THRB: variants seen among roughly 807,000 people sequenced by gnomAD.
THRB encodes nuclear receptor subfamily 1 group A member 2.
Under a neutral mutation model 47.8 loss-of-function variants are expected in THRB, and 12 were observed. The ratio of observed to expected loss-of-function variants is 0.25; its 90% CI spans 0.16 to 0.41. The LOEUF (loss-of-function observed/expected upper bound fraction) is 0.41, where lower values mean the gene tolerates loss of function less well. Ranked by LOEUF, THRB falls within the 10% of genes least tolerant of loss-of-function variation. THRB has a pLI of 1.00. For synonymous variants in THRB, 218 were observed against 212.2 expected, an observed-to-expected ratio of 1.03 and a Z score of -0.24; for missense variants, 348 against 589.2, an observed-to-expected ratio of 0.59 and a Z score of 4.24.
chr3:24,477,964 T>C (rs1695744079), intron 1 of THRB, among the ~76,000 whole-genome samples: 1 of 150,604 alleles, frequency 6.6e-6, no homozygotes, highest in Non-Finnish European at 1.5e-5. Context: ...CAAAAGAGGA[T>C]CCAAACAAAG....
At chr3:24,274,255 C>G (rs1429982090) in intron 3 of THRB, among the ~76,000 whole-genome samples, 1 of 152,132 alleles carries the variant, frequency 6.6e-6, no homozygotes, top group African/African-American at 2.4e-5. Context: ...TGAATAGCAT[C>G]TGATGGCACT....
chr3:24,230,713 G>A (rs2048173306), intron 3 of THRB, among the ~76,000 whole-genome samples: 1 of 152,152 alleles, frequency 6.6e-6, no homozygotes, highest in African/African-American at 2.4e-5. Flanking sequence ...GTTTTCACAT[G>A]CTACCACTCC....
chr3:24,189,573 A>G (rs549767596), intron 5 of THRB, among the ~76,000 whole-genome samples: 3 of 152,272 alleles, frequency 2.0e-5, no homozygotes, highest in South Asian at 2.1e-4. Flanking sequence ...CTCTCCTTTC[A>G]GGATGATGAC....
At chr3:24,422,267 G>A (rs1458924047) in intron 1 of THRB, among the ~76,000 whole-genome samples, 1 of 151,882 alleles carries the variant, frequency 6.6e-6, no homozygotes, top group Non-Finnish European at 1.5e-5. Context: ...GAGAAACTTA[G>A]TATCCTGGAT....
At chr3:24,185,337 T>G (rs990066801) in intron 5 of THRB, among the ~76,000 whole-genome samples, 2 of 152,192 alleles carry the variant, frequency 1.3e-5, no homozygotes, top group Non-Finnish European at 2.9e-5. Flanking sequence ...AAAATACACA[T>G]GCACAGAGAA....
At chr3:24,454,905 G>A (rs967822190) in intron 1 of THRB, among the ~76,000 whole-genome samples, 1 of 151,996 alleles carries the variant, frequency 6.6e-6, no homozygotes, top group Non-Finnish European at 1.5e-5. Context: ...CCAGATCAAA[G>A]CTTTATTTTT....
chr3:24,299,784 T>TTTC (rs2056790762), intron 2 of THRB, among the ~76,000 whole-genome samples: 1 of 59,330 alleles, frequency 1.7e-5, no homozygotes, highest in South Asian at 6.0e-4. Flanking sequence ...TTTATTTATT[T>TTTC]ATTTATTTTT....
At chr3:24,200,657 T>C (rs2044484245) in intron 4 of THRB, among the ~76,000 whole-genome samples, 1 of 152,210 alleles carries the variant, frequency 6.6e-6, no homozygotes, top group African/African-American at 2.4e-5. Context: ...CAGGTGAGAC[T>C]AATTTTCAAT....
chr3:24,207,333 G>T (rs1370741627), intron 4 of THRB, among the ~76,000 whole-genome samples: 1 of 152,156 alleles, frequency 6.6e-6, no homozygotes, highest in Non-Finnish European at 1.5e-5. Context: ...ATGCAAGGCT[G>T]GTTCAACTTA....
intron 1 of THRB, among the ~76,000 whole-genome samples, chr3:24,363,076 A>G (rs898547500): frequency 6.6e-6 from 1 of 152,110 alleles, no homozygotes; most frequent in African/African-American, 2.4e-5. Flanking sequence ...AGAGCAGTTG[A>G]TACCATTTTT....
chr3:24,240,813 A>G (rs2049406152), intron 3 of THRB, among the ~76,000 whole-genome samples: 1 of 152,084 alleles, frequency 6.6e-6, no homozygotes, highest in Admixed American at 6.6e-5. Flanking sequence ...ATCTGGATAT[A>G]CTTTCCAGGG....
intron 3 of THRB, among the ~76,000 whole-genome samples, chr3:24,270,756 GA>G (rs902741180): frequency 6.6e-6 from 1 of 152,234 alleles, no homozygotes; most frequent in Non-Finnish European, 1.5e-5. Context: ...GGGCTCTTGG[GA>G]AAATCCTTTT....
intron 1 of THRB, among the ~76,000 whole-genome samples, chr3:24,400,961 G>C (rs1474286031): frequency 1.3e-5 from 2 of 152,034 alleles, no homozygotes; most frequent in Admixed American, 6.6e-5. Flanking sequence ...CATAATTACA[G>C]GTCTGGTGTT....
At chr3:24,399,813 A>T (rs2067259028) in intron 1 of THRB, among the ~76,000 whole-genome samples, 1 of 151,982 alleles carries the variant, frequency 6.6e-6, no homozygotes, top group South Asian at 2.1e-4. Flanking sequence ...AGGTGTGCTG[A>T]CTCTACACTG....
intron 5 of THRB, among the ~76,000 whole-genome samples, chr3:24,168,054 A>G (rs1162131120): frequency 2.0e-5 from 3 of 152,208 alleles, no homozygotes; most frequent in Non-Finnish European, 4.4e-5. Flanking sequence ...AACATATTTA[A>G]GAGAGCTCAC....
At chr3:24,468,500 C>G (rs1219536528) in intron 1 of THRB, among the ~76,000 whole-genome samples, 1 of 152,160 alleles carries the variant, frequency 6.6e-6, no homozygotes, top group Admixed American at 6.5e-5. Context: ...GGTAACTCTT[C>G]TTTTCACTTG....
At chr3:24,420,304 C>T (rs1445195942) in intron 1 of THRB, among the ~76,000 whole-genome samples, 1 of 151,748 alleles carries the variant, frequency 6.6e-6, no homozygotes, top group African/African-American at 2.4e-5. Context: ...CAGCATGGGG[C>T]CCTTTTGAAG....
chr3:24,246,739 A>G lies in THRB; in HGVS notation c.-42-17738T>C, dbSNP rs547856948. On this transcript the variant is annotated intron_variant, in intron 3 of 10. Transcript: ENST00000646209. ...CAAAAAATATAGTTTTGATCCCAAAATGATAGTTTTTATAGGTGTAATTTG... is the reference window on the plus strand; with the variant it reads ...CAAAAAATATAGTTTTGATCCCAAAGTGATAGTTTTTATAGGTGTAATTTG... Among the ~76,000 whole-genome samples the G allele has an allele frequency of 1.4e-4, 21 of 152,302 alleles. No homozygotes were observed. The East Asian group carries it at 3.3e-3, about 24-fold the overall frequency.
intron 7 of THRB, chr3:24,144,050 A>G (rs1575381559): frequency 3.1e-6 from 1 of 324,988 alleles, no homozygotes; most frequent in Non-Finnish European, 5.8e-6. Context: ...ATCACAGAGA[A>G]ATCTGTCCAG....
Sources: gnomAD v4.1 joint callset for allele counts (sites outside exome capture counted in the v4.1 genomes callset) on GRCh38, gnomAD v4.1.1 for gene constraint, MANE v1.5 for transcripts, NCBI Gene and HGNC (gene_info 2026-07-23, HGNC 2026-07-21) for gene names.